Variants in LYRM7 observed in about 807,000 individuals in gnomAD.
LYRM7 encodes the protein complex III assembly factor LYRM7.
Under a neutral mutation model 15.8 loss-of-function variants are expected in LYRM7, and 9 were observed. The ratio of observed to expected loss-of-function variants is 0.57; its 90% CI spans 0.34 to 0.99. The LOEUF is 0.99. Ranked by LOEUF, LYRM7 falls within the 50% of genes least tolerant of loss-of-function variation. The pLI is 0.02. For synonymous variants in LYRM7, 39 were observed against 39.4 expected (o/e 0.99, Z 0.04); for missense variants, 115 against 119.1 (o/e 0.97, Z 0.16).
intron 3 of LYRM7, among the ~76,000 whole-genome samples, chr5:131,183,124 A>T (rs1429048885): frequency 1.2e-5 from 1 of 82,862 alleles, no homozygotes; most frequent in Non-Finnish European, 2.1e-5. Flanking sequence ...CCAGATGTTT[A>T]AAAAAAACTG....
chr5:131,180,042 G>A lies in LYRM7; in HGVS notation c.19-53G>A, dbSNP rs1055010875. On this transcript the variant is annotated intron_variant, in intron 1 of 4. Coordinates refer to ENST00000379380, the MANE Select transcript of LYRM7 (RefSeq NM_181705.4). ...CTACCTCAACTTCCCAAAGTGCTGG[G>A]ATTACAGGCATGAGCCACTGTGCCC... 1.4e-5 allele frequency: 17 copies of A among 1,203,818 alleles called. No homozygotes were observed. The African/African-American group carries it at 2.6e-4, about 18-fold the overall frequency. 74.6% of individuals were successfully genotyped at this position (1,203,818 alleles called of 1,614,324 possible).
rs1233411647 is a variant in LYRM7, at chr5:131,203,390, C to A, written c.*3789C>A. 6.6e-6 allele frequency: 1 copy of A among 152,188 alleles called. No individual in the cohort carries two copies. The allele number at this position is 152,188 out of a possible 1,614,324, so 9.4% of individuals were successfully genotyped here. On this transcript the variant is annotated 3_prime_UTR_variant, in exon 5 of 5. Transcript: ENST00000379380. ...GGACAATTGAAAATTCTGGAGATGA[C>A]AGTTTTTCAAAAATCTATTGAGGCC...
intron 2 of LYRM7, among the ~76,000 whole-genome samples, chr5:131,180,559 A>G (rs1163235226): frequency 6.6e-6 from 1 of 152,158 alleles, no homozygotes; most frequent in Admixed American, 6.5e-5. Context: ...TCCATCCCAA[A>G]TGATTCTAAA....
intron 2 of LYRM7, among the ~76,000 whole-genome samples, chr5:131,182,018 G>A (rs558674717): frequency 5.9e-5 from 9 of 152,048 alleles, no homozygotes; most frequent in Non-Finnish European, 1.3e-4. Flanking sequence ...AGTGCCAAAG[G>A]TTTATAGTAG....
chr5:131,199,511 C>T lies in LYRM7; in HGVS notation c.245-20C>T, dbSNP rs77984337. The T allele has an allele frequency of 1.6e-4, 197 of 1,209,126 alleles. No individual in the cohort carries two copies. Among genetic ancestry groups the T allele is most frequent in the Middle Eastern group, 9.4e-4 (4 of 4,260 alleles). 74.9% of individuals were successfully genotyped at this position (1,209,126 alleles called of 1,614,324 possible). On this transcript the variant is annotated intron_variant, in intron 4 of 4. Transcript: ENST00000379380. The stretch of plus-strand genomic sequence containing the variant: ...TAATTTTAGTGATGTTAATTATTCT[C>T]TTTTTTTTTTTTCTTTCAGAACTGG...
At chr5:131,195,362 C>T (rs1013718028) in intron 4 of LYRM7, among the ~76,000 whole-genome samples, 2 of 152,122 alleles carry the variant, frequency 1.3e-5, no homozygotes, top group Non-Finnish European at 2.9e-5. Context: ...AAAAGTATTA[C>T]TTTGCTAAAA....
In LYRM7 at chr5:131,201,953, C is replaced by T. The variant is rs935399433; in HGVS notation, c.*2352C>T. The T allele has an allele frequency of 1.1e-4, 16 of 152,038 alleles. No individual in the cohort carries two copies. The highest frequency in any genetic ancestry group is 3.9e-4 in the African/African-American group (16 of 41,388). 9.4% of individuals were successfully genotyped at this position (152,038 alleles called of 1,614,324 possible). ...GGGCTCAGCAGTTATGCCAACTAAG[C>T]CTCCCAAATAGCTGAGACTAGAGGT... On this transcript the variant is annotated 3_prime_UTR_variant, in exon 5 of 5. Coordinates refer to ENST00000379380, the MANE Select transcript of LYRM7 (RefSeq NM_181705.4).
At chr5:131,181,228 A>C (rs1269112526) in intron 2 of LYRM7, among the ~76,000 whole-genome samples, 1 of 135,330 alleles carries the variant, frequency 7.4e-6, no homozygotes, top group Admixed American at 8.2e-5. Context: ...GTGAGCCGAG[A>C]TCATGCCACT....
At chr5:131,175,229 C>T (rs540705164) in intron 1 of LYRM7, among the ~76,000 whole-genome samples, 14 of 127,990 alleles carry the variant, frequency 1.1e-4, no homozygotes, top group Non-Finnish European at 1.9e-4. Context: ...GATGGAGTTT[C>T]GCTATTGTTG....
intron 1 of LYRM7, chr5:131,171,462 C>T (rs188576821): frequency 6.4e-6 from 1 of 156,590 alleles, no homozygotes. Flanking sequence ...GCACAGAAGT[C>T]TAGCAGCCAA....
At chr5:131,190,822 A>T (rs1755874600) in intron 4 of LYRM7, among the ~76,000 whole-genome samples, 1 of 152,162 alleles carries the variant, frequency 6.6e-6, no homozygotes. Flanking sequence ...GGCAGAAAAC[A>T]TAGTTAATCC....
At chr5:131,182,420 CTG>C (rs1245661323) in intron 3 of LYRM7, 121 bp downstream of exon 3, 1 of 941,082 alleles carries the variant, frequency 1.1e-6, no homozygotes, top group Non-Finnish European at 1.4e-6. Flanking sequence ...GCCATCACAA[CTG>C]TAGATAACCT....
Position 131,170,978 on chromosome 5 carries a change from C to G in LYRM7, c.-43C>G. 1 of 1,532,762 alleles carries G rather than the reference C, an allele frequency of 6.5e-7. No homozygotes were observed. 94.9% of individuals were successfully genotyped at this position (1,532,762 alleles called of 1,614,324 possible). On this transcript the variant is annotated 5_prime_UTR_variant, in exon 1 of 5. Transcript: ENST00000379380. ...TTTGATTGGTTGCTGAGAGGCGGGG[C>G]TACTCGACTGCTCTGGAGGTAGCGG...
chr5:131,188,292 G>A (rs1056118689), intron 4 of LYRM7, among the ~76,000 whole-genome samples: 29 of 151,306 alleles, frequency 1.9e-4, no homozygotes, highest in Admixed American at 6.6e-4. Flanking sequence ...TGTTTTTTAA[G>A]CAGACTATGG....
chr5:131,196,427 T>C (rs541960537), intron 4 of LYRM7, among the ~76,000 whole-genome samples: 1 of 152,100 alleles, frequency 6.6e-6, no homozygotes, highest in Non-Finnish European at 1.5e-5. Context: ...ATATAAACCG[T>C]GTCTATTCGG....
Position 131,178,597 on chromosome 5 carries a change from C to G in LYRM7, c.19-1498C>G, listed in dbSNP as rs1755635591. Among the ~76,000 whole-genome samples the G allele has an allele frequency of 3.3e-5, 5 of 152,230 alleles. No homozygotes were observed. In the South Asian group the frequency reaches 1.0e-3, roughly 32 times the overall value. On this transcript the variant is annotated intron_variant, in intron 1 of 4. Coordinates refer to ENST00000379380, the MANE Select transcript of LYRM7 (RefSeq NM_181705.4). ...TTACCAAAATGCCAGGCTCTTTTCT[C>G]TCTTTTTATTTTTTTCAATACAGAC...
chr5:131,205,426 C>T lies in LYRM7; in HGVS notation c.*5825C>T, dbSNP rs1025456706. 2.6e-5 allele frequency: 4 copies of T among 152,130 alleles called. No homozygotes were observed. Among genetic ancestry groups the T allele is most frequent in the Non-Finnish European group, 5.9e-5 (4 of 68,016 alleles). The allele number at this position is 152,130 out of a possible 1,614,324, so 9.4% of individuals were successfully genotyped here. ...TAAACAAGTTTGTTCATTCATGTCT[C>T]CATTGATGAGTGATAGTATTGTCTC... On this transcript the variant is annotated 3_prime_UTR_variant, in exon 5 of 5. Transcript: ENST00000379380.
intron 1 of LYRM7, among the ~76,000 whole-genome samples, chr5:131,171,344 T>C (rs1375272678): frequency 4.6e-5 from 7 of 152,162 alleles, no homozygotes; most frequent in Admixed American, 4.6e-4. Flanking sequence ...ACCGAGTATT[T>C]GTCTGAGGGA....
chr5:131,198,451 T>C (rs1756005458), intron 4 of LYRM7, among the ~76,000 whole-genome samples: 1 of 152,182 alleles, frequency 6.6e-6, no homozygotes, highest in Non-Finnish European at 1.5e-5. Context: ...TTTTGAAAAG[T>C]ATAGGCAGGT....
Sources: gnomAD v4.1 joint callset for allele counts (sites outside exome capture counted in the v4.1 genomes callset) on GRCh38, gnomAD v4.1.1 for gene constraint, MANE v1.5 for transcripts, NCBI Gene and HGNC (gene_info 2026-07-23, HGNC 2026-07-21) for gene names.